CDKAL1: variants seen among roughly 807,000 people sequenced by gnomAD.
CDKAL1 encodes the protein threonylcarbamoyladenosine tRNA methylthiotransferase.
A neutral mutation model predicts 68.2 loss-of-function variants in CDKAL1; 32 were observed. The ratio of observed to expected loss-of-function variants is 0.47; its 90% CI spans 0.35 to 0.63. The LOEUF is 0.63. Ranked by LOEUF, CDKAL1 falls within the 30% of genes least tolerant of loss-of-function variation. CDKAL1 has a pLI of 0.00. For synonymous variants in CDKAL1, 234 were observed against 244.3 expected (o/e 0.96, Z 0.39); for missense variants, 606 against 696.7 (o/e 0.87, Z 1.47).
At position 20,701,288 on chromosome 6, in the gene CDKAL1, T is replaced by A. The variant is rs1388678566; in HGVS notation, c.372-38231T>A. ...TTTTTTTTTTTTTTGGCTTGCCCAG[T>A]GTCTTGAAAATTTGACAATTTCACA... On this transcript the variant is annotated intron_variant, in intron 5 of 15. Coordinates refer to ENST00000274695, the MANE Select transcript of CDKAL1 (RefSeq NM_017774.3). 2.1e-5 allele frequency among the ~76,000 whole-genome samples: 3 copies of A among 144,566 alleles called. No homozygotes were observed. In the East Asian group the frequency reaches 6.2e-4, roughly 30 times the overall value. 94.8% of individuals were successfully genotyped at this position (144,566 alleles called of 152,430 possible). A position where few individuals can be genotyped will look rare whatever the true frequency, so the allele number is the denominator to read the frequency against.
At chr6:20,908,451 G>T (rs1014675601) in intron 9 of CDKAL1, among the ~76,000 whole-genome samples, 14 of 152,162 alleles carry the variant, frequency 9.2e-5, no homozygotes, top group African/African-American at 3.4e-4. Flanking sequence ...TGAATTCCTT[G>T]CTGAATCTTG....
chr6:21,102,191 A>G (rs1773609106), intron 12 of CDKAL1, among the ~76,000 whole-genome samples: 1 of 152,144 alleles, frequency 6.6e-6, no homozygotes, highest in East Asian at 1.9e-4. Flanking sequence ...CTTATAGTCT[A>G]TAAAAGCATA....
intron 10 of CDKAL1, among the ~76,000 whole-genome samples, chr6:20,976,341 G>T (rs1020222469): frequency 2.0e-5 from 3 of 151,982 alleles, no homozygotes; most frequent in African/African-American, 2.4e-5. Flanking sequence ...GTTTACAAAG[G>T]GGGTAAATAC....
At chr6:20,963,498 G>C (rs995575836) in intron 10 of CDKAL1, among the ~76,000 whole-genome samples, 1 of 152,080 alleles carries the variant, frequency 6.6e-6, no homozygotes, top group South Asian at 2.1e-4. Flanking sequence ...CTACTACTGA[G>C]CCTTTGTTTG....
At chr6:20,676,443 G>A (rs1007013966) in intron 5 of CDKAL1, among the ~76,000 whole-genome samples, 5 of 151,938 alleles carry the variant, frequency 3.3e-5, no homozygotes, top group African/African-American at 9.7e-5. Context: ...CGATGCGTGC[G>A]GGTCATGAGG....
rs553937692 is a variant in CDKAL1, at chr6:20,825,305, CATA to C, written c.639-20764_639-20762del. On this transcript the variant is annotated intron_variant, in intron 8 of 15. Transcript: ENST00000274695. ...TGTGTTGAAAGTATGGTTTAAATGA[CATA>C]ATAATTTTGAATTTGCCTTAGTAAC... Among the ~76,000 whole-genome samples the C allele has an allele frequency of 8.7e-5, 13 of 150,020 alleles. 1 individual carries two copies. In the South Asian group the frequency reaches 2.4e-3, roughly 27 times the overall value.
chr6:20,986,762 AGAACT>A (rs1231466070), intron 10 of CDKAL1, among the ~76,000 whole-genome samples: 2 of 152,246 alleles, frequency 1.3e-5, no homozygotes, highest in Non-Finnish European at 2.9e-5. Flanking sequence ...AAAAGCCAGA[AGAACT>A]GATATGGCAG....
chr6:21,077,572 G>A (rs1772140173), intron 12 of CDKAL1, among the ~76,000 whole-genome samples: 1 of 152,226 alleles, frequency 6.6e-6, no homozygotes. Flanking sequence ...ACTGCAGAAG[G>A]CAAAGGGGAA....
chr6:21,231,007 C>G lies in CDKAL1; in HGVS notation c.1708C>G (p.Leu570Val), dbSNP rs1562135669. 6.2e-7 allele frequency: 1 copy of G among 1,608,250 alleles called. No homozygotes were observed. The highest frequency in any genetic ancestry group is 1.3e-5 in the African/African-American group (1 of 74,822). Residue 570 changes from leucine (L) to valine (V), a missense_variant, in exon 16 of 16, where the codon CTT becomes GTT. Leu to Val is a conservative substitution (Grantham distance 32). Transcript: ENST00000274695. The stretch of plus-strand genomic sequence containing the variant: ...CGTGGGCTTGGCTCTGCTGGGTCTT[C>G]TTTTTGCTTTTTTTGTCAAGGTCTA... ...MSVGLALLGLLFAFFVKVYN is the reference protein window; with the variant it reads ...MSVGLALLGLVFAFFVKVYN
chr6:21,071,852 C>G (rs1467187831), intron 12 of CDKAL1, among the ~76,000 whole-genome samples: 1 of 152,174 alleles, frequency 6.6e-6, no homozygotes, highest in African/African-American at 2.4e-5. Flanking sequence ...CCTGCCCTTA[C>G]TTTTGAATGC....
chr6:20,849,540 G>A (rs1457771036), intron 9 of CDKAL1, among the ~76,000 whole-genome samples: 3 of 148,032 alleles, frequency 2.0e-5, no homozygotes, highest in African/African-American at 7.5e-5. Context: ...CTGAGATTGC[G>A]CCACTGAACT....
intron 15 of CDKAL1, among the ~76,000 whole-genome samples, chr6:21,226,529 T>TATTA (rs1304092143): frequency 6.6e-6 from 1 of 152,240 alleles, no homozygotes; most frequent in Non-Finnish European, 1.5e-5. Flanking sequence ...CCTTAGTCTT[T>TATTA]ATTATAACAG....
At chr6:21,000,465 G>A (rs1767369760) in intron 11 of CDKAL1, 93 bp downstream of exon 11, 8 of 1,112,122 alleles carry the variant, frequency 7.2e-6, no homozygotes, top group Non-Finnish European at 1.0e-5. Flanking sequence ...ACAATTAAAG[G>A]TACAAGAGAG....
intron 5 of CDKAL1, among the ~76,000 whole-genome samples, chr6:20,716,635 G>C (rs2127838146): frequency 6.6e-6 from 1 of 151,994 alleles, no homozygotes; most frequent in South Asian, 2.1e-4. Context: ...ATTTATCTGA[G>C]ATGAGAAAGA....
At chr6:20,637,975 T>C (rs1459327979) in intron 4 of CDKAL1, among the ~76,000 whole-genome samples, 2 of 152,240 alleles carry the variant, frequency 1.3e-5, no homozygotes, top group African/African-American at 4.8e-5. Flanking sequence ...GGAATATTTG[T>C]TCTGAAGGTA....
intron 15 of CDKAL1, among the ~76,000 whole-genome samples, chr6:21,213,340 T>C (rs762375518): frequency 3.3e-5 from 5 of 152,148 alleles, no homozygotes; most frequent in Non-Finnish European, 4.4e-5. Context: ...ATGGTGATAG[T>C]GAAGATTTAC....
chr6:20,754,025 G>A (rs1774057832), intron 6 of CDKAL1, among the ~76,000 whole-genome samples: 1 of 150,794 alleles, frequency 6.6e-6, no homozygotes, highest in Admixed American at 6.6e-5. Flanking sequence ...TGTCACCTAC[G>A]CTGGAGTCCA....
At chr6:20,755,868 G>A (rs993553633) in intron 6 of CDKAL1, among the ~76,000 whole-genome samples, 1 of 152,170 alleles carries the variant, frequency 6.6e-6, no homozygotes, top group Admixed American at 6.5e-5. Flanking sequence ...CTTGTTGTCT[G>A]TAATAGGTAT....
At chr6:21,126,138 G>A (rs1480810034) in intron 13 of CDKAL1, among the ~76,000 whole-genome samples, 1 of 152,102 alleles carries the variant, frequency 6.6e-6, no homozygotes, top group Non-Finnish European at 1.5e-5. Context: ...AATCATGTGT[G>A]GACAGCAGTG....
Sources: gnomAD v4.1 joint callset for allele counts (sites outside exome capture counted in the v4.1 genomes callset) on GRCh38, gnomAD v4.1.1 for gene constraint, MANE v1.5 for transcripts, NCBI Gene and HGNC (gene_info 2026-07-23, HGNC 2026-07-21) for gene names.